Variants in MAP3K4 observed in about 807,000 individuals in gnomAD.
MAP3K4 encodes MAP three kinase 1.
Under a neutral mutation model 185.6 loss-of-function variants are expected in MAP3K4, and 67 were observed. That is an observed-to-expected ratio of 0.36 (90% CI 0.30 to 0.44). The LOEUF is 0.44. MAP3K4 is among the 20% of genes least tolerant of loss of function. The pLI is 1.00. For synonymous variants in MAP3K4, 702 were observed against 710.4 expected, an observed-to-expected ratio of 0.99 and a Z score of 0.19; for missense variants, 1,551 against 1,995.1, an observed-to-expected ratio of 0.78 and a Z score of 4.24.
intron 13 of MAP3K4, 64 bp downstream of exon 13, chr6:161,092,207 T>G (rs763966151): frequency 1.1e-5 from 17 of 1,568,316 alleles, no homozygotes; most frequent in Non-Finnish European, 1.5e-5. Context: ...TGTTCATATA[T>G]GTTCTGTGGG....
intron 1 of MAP3K4, among the ~76,000 whole-genome samples, chr6:161,024,310 A>T (rs967009424): frequency 2.6e-5 from 4 of 152,154 alleles, no homozygotes; most frequent in African/African-American, 9.7e-5. Flanking sequence ...CAAAGATAGT[A>T]CATAGAATTC....
intron 3 of MAP3K4, among the ~76,000 whole-genome samples, chr6:161,065,385 A>G (rs1439977496): frequency 6.6e-6 from 1 of 152,214 alleles, no homozygotes; most frequent in Non-Finnish European, 1.5e-5. Flanking sequence ...GAATAAGATG[A>G]TAACAGATAT....
Position 161,090,787 on chromosome 6 carries a change from A to C in MAP3K4, c.2974-592A>C, listed in dbSNP as rs576165244. 6.9e-3 allele frequency among the ~76,000 whole-genome samples: 693 copies of C among 100,438 alleles called. 7 individuals carry two copies. Among genetic ancestry groups the C allele is most frequent in the African/African-American group, 0.019 (660 of 34,992 alleles). The allele number at this position is 100,438 out of a possible 152,430, so 65.9% of individuals were successfully genotyped here. On this transcript the variant is annotated intron_variant, in intron 11 of 26. Transcript: ENST00000392142. The stretch of plus-strand genomic sequence containing the variant: ...TTGGATGTGGACGTTTGGGCCCGTA[A>C]CTCTTGGTCGTGGAGGGCCGTCCTG...
At position 161,084,912 on chromosome 6, in the gene MAP3K4, C is replaced by T. The variant is rs1017645728; in HGVS notation, c.2372+295C>T. On this transcript the variant is annotated intron_variant, in intron 7 of 26. Transcript: ENST00000392142. This position sits in a 1 kb window ranked among gnomAD's most constrained non-coding sequence, Gnocchi z 4.6. ...CTGTAATCCCAGTACTTTGGGAGGC[C>T]GAGGTGGGTGAATCACCAGGTCAGG... Among the ~76,000 whole-genome samples, 10 of 151,958 alleles carry T rather than the reference C, an allele frequency of 6.6e-5. No homozygotes were observed. Among genetic ancestry groups the T allele is most frequent in the South Asian group, 6.2e-4 (3 of 4,806 alleles).
chr6:161,078,077 C>A (rs775124381), intron 5 of MAP3K4, among the ~76,000 whole-genome samples: 42 of 152,068 alleles, frequency 2.8e-4, no homozygotes, highest in Non-Finnish European at 5.3e-4. Flanking sequence ...CAAATGACTT[C>A]TATTTTTGTG....
chr6:161,102,578 A>T (rs1777883621), intron 18 of MAP3K4, 121 bp from the exon 19 acceptor site: 1 of 621,434 alleles, frequency 1.6e-6, no homozygotes, highest in Non-Finnish European at 2.8e-6. Flanking sequence ...CAAACACACT[A>T]AAAATTAATA....
chr6:160,993,934 G>A (rs1342613524), intron 1 of MAP3K4, among the ~76,000 whole-genome samples: 1 of 152,092 alleles, frequency 6.6e-6, no homozygotes, highest in Non-Finnish European at 1.5e-5. Context: ...CAAAGCTGTT[G>A]TTTTCTCTTT....
intron 2 of MAP3K4, among the ~76,000 whole-genome samples, chr6:161,046,463 G>A (rs888513649): frequency 3.3e-5 from 5 of 151,778 alleles, no homozygotes; most frequent in African/African-American, 4.8e-5. Flanking sequence ...AAAGTTTAAA[G>A]ACATTTAGAA....
chr6:161,014,143 C>T (rs962788782), intron 1 of MAP3K4, among the ~76,000 whole-genome samples: 3 of 152,180 alleles, frequency 2.0e-5, no homozygotes, highest in Admixed American at 6.5e-5. Context: ...CTTGCTGGTT[C>T]TTGGCACCTC....
chr6:161,001,028 T>A (rs12214511), intron 1 of MAP3K4, among the ~76,000 whole-genome samples: 90 of 5,074 alleles, frequency 0.018, 2 homozygotes, highest in African/African-American at 0.051. Flanking sequence ...ATAATATATA[T>A]TATATATTAT....
rs941364990 is a variant in MAP3K4 at position 161,089,552 on chromosome 6, T to C, written c.2973+81T>C. 2.2e-5 allele frequency: 32 copies of C among 1,475,656 alleles called. No homozygotes were observed. In the Admixed American group the frequency reaches 6.5e-4, roughly 30 times the overall value. The allele number at this position is 1,475,656 out of a possible 1,614,324, so 91.4% of individuals were successfully genotyped here. On this transcript the variant is annotated intron_variant, in intron 11 of 26. Coordinates refer to ENST00000392142, the MANE Select transcript of MAP3K4 (RefSeq NM_005922.4). The stretch of plus-strand genomic sequence containing the variant: ...GTGTGGTAATGTGTGTAAGGTAATA[T>C]CATCCAAGGAACTTGAGCTCCTGAA...
Position 161,080,467 on chromosome 6 carries a change from GTCC to G in MAP3K4, c.2098-408_2098-406del, listed in dbSNP as rs1785398406. Among the ~76,000 whole-genome samples the G allele has an allele frequency of 6.6e-6, 1 of 152,122 alleles. No individual in the cohort carries two copies. The highest frequency in any genetic ancestry group is 1.5e-5 in the Non-Finnish European group (1 of 68,026). On this transcript the variant is annotated intron_variant, in intron 5 of 26. Coordinates refer to ENST00000392142, the MANE Select transcript of MAP3K4 (RefSeq NM_005922.4). The surrounding 1 kb of genome is among the most constrained non-coding windows in gnomAD (Gnocchi z 4.8). The stretch of plus-strand genomic sequence containing the variant: ...GGGTGGTGCGAAGAAGGGTGTTGAC[GTCC>G]TCCTCTCTGCACATAAGGCACCATT...
intron 3 of MAP3K4, among the ~76,000 whole-genome samples, chr6:161,060,536 T>C (rs1463164510): frequency 6.6e-6 from 1 of 152,182 alleles, no homozygotes; most frequent in Non-Finnish European, 1.5e-5. Context: ...AGCTTCCATG[T>C]TATTTAGTGT....
In MAP3K4 at chr6:161,073,333, C is replaced by G. The variant is rs1785030716; in HGVS notation, c.1951-133C>G. 2 of 743,802 alleles carry G rather than the reference C, an allele frequency of 2.7e-6. No homozygotes were observed. Among genetic ancestry groups the G allele is most frequent in the Admixed American group, 3.6e-5 (1 of 28,034 alleles). The allele number at this position is 743,802 out of a possible 1,614,324, so 46.1% of individuals were successfully genotyped here. ...TACATAAAATGAACTGATCAAGAAT[C>G]TAGAAACTATTGTAGGTTTTTTAGA... is the stretch of plus-strand genomic sequence containing the variant. On this transcript the variant is annotated intron_variant, in intron 4 of 26. Transcript: ENST00000392142. This position sits in a 1 kb window ranked among gnomAD's most constrained non-coding sequence, Gnocchi z 4.2.
chr6:160,999,535 A>T (rs117954213), intron 1 of MAP3K4, among the ~76,000 whole-genome samples: 1 of 152,146 alleles, frequency 6.6e-6, no homozygotes, highest in Non-Finnish European at 1.5e-5. Flanking sequence ...CTTCCTAGCC[A>T]TTGCTTATAG....
rs775587664 is a variant in MAP3K4, at chr6:161,049,427, C to T, written c.1155C>T (p.Asp385=). 1.2e-6 allele frequency: 2 copies of T among 1,614,064 alleles called. No individual in the cohort carries two copies. The highest frequency in any genetic ancestry group is 1.7e-6 in the Non-Finnish European group (2 of 1,179,956). ...QKDYEKYAAK[D]FQDRVQALCL... ...ACTATGAAAAATATGCTGCAAAAGA[C>T]TTCCAGGACAGGGTGCAGGCACTCT... is the stretch of plus-strand genomic sequence containing the variant. The change falls in exon 3 of 27, where the codon GAC becomes GAT. Residue 385 remains aspartate (D), a synonymous_variant. Coordinates refer to ENST00000392142, the MANE Select transcript of MAP3K4 (RefSeq NM_005922.4). The surrounding 1 kb of genome is among the most constrained non-coding windows in gnomAD (Gnocchi z 8.4).
At chr6:160,992,205 G>GAGACTGGAT in intron 1 of MAP3K4, 122 bp downstream of exon 1, 2 of 1,331,414 alleles carry the variant, frequency 1.5e-6, no homozygotes, top group Non-Finnish European at 1.9e-6. Flanking sequence ...AGTCTCTGCA[G>GAGACTGGAT]GCTGGGGCGG....
chr6:161,029,692 A>G (rs1178167226), intron 1 of MAP3K4, among the ~76,000 whole-genome samples: 1 of 152,210 alleles, frequency 6.6e-6, no homozygotes, highest in Non-Finnish European at 1.5e-5. Flanking sequence ...ATACATGTAA[A>G]CATTCTGAAC....
At position 161,097,200 on chromosome 6, in the gene MAP3K4, T is replaced by C. The variant is rs560151889; in HGVS notation, c.3524+24T>C. The C allele has an allele frequency of 1.0e-4, 160 of 1,604,250 alleles. No homozygotes were observed. The highest frequency in any genetic ancestry group is 5.2e-4 in the Admixed American group (31 of 59,988). ...AGGTATTTGGTGCTTATCTAGTCAT[T>C]TGCTTTACAGAGTGCCCTCCGATAT... On this transcript the variant is annotated intron_variant, in intron 16 of 26. Coordinates refer to ENST00000392142, the MANE Select transcript of MAP3K4 (RefSeq NM_005922.4). The surrounding 1 kb of genome is among the most constrained non-coding windows in gnomAD (Gnocchi z 4.9).
Sources: allele counts gnomAD v4.1 joint callset (sites outside exome capture counted in the v4.1 genomes callset), GRCh38; gene constraint gnomAD v4.1.1; non-coding constraint Gnocchi (gnomAD v3.1); transcripts MANE v1.5; gene names NCBI Gene and HGNC (gene_info 2026-07-23, HGNC 2026-07-21).